AP2A2: variants seen among roughly 807,000 people sequenced by gnomAD.
The protein encoded by AP2A2 is AP-2 complex subunit alpha-2.
Under a neutral mutation model 104.2 loss-of-function variants are expected in AP2A2, and 32 were observed. The ratio of observed to expected loss-of-function variants is 0.31; its 90% CI spans 0.23 to 0.41. The LOEUF (loss-of-function observed/expected upper bound fraction) is 0.41. Ranked by LOEUF, AP2A2 falls within the 10% of genes least tolerant of loss-of-function variation. The pLI, the probability that AP2A2 is intolerant of heterozygous loss-of-function variation, is 1.00. For synonymous variants in AP2A2, 539 were observed against 533.3 expected, an observed-to-expected ratio of 1.01 and a Z score of -0.15; for missense variants, 912 against 1,261.0, an observed-to-expected ratio of 0.72 and a Z score of 4.19.
chr11:947,517 TG>T (rs888460885), intron 1 of AP2A2, among the ~76,000 whole-genome samples: 1 of 152,106 alleles, frequency 6.6e-6, no homozygotes, highest in African/African-American at 2.4e-5. Context: ...GCTAGTTGGC[TG>T]GGCGCGGTGG....
chr11:940,804 C>T (rs1278295110), intron 1 of AP2A2: 1 of 456,258 alleles, frequency 2.2e-6, no homozygotes, highest in Admixed American at 2.3e-5. Flanking sequence ...AGGGCTTTGG[C>T]AGGGGCCTTC....
chr11:963,393 T>TA (rs1376777940), intron 2 of AP2A2, among the ~76,000 whole-genome samples: 79 of 151,802 alleles, frequency 5.2e-4, no homozygotes, highest in African/African-American at 1.9e-3. Context: ...GCCAGTGCAC[T>TA]ACAGCCTGGG....
chr11:927,743 C>G (rs769309883), intron 1 of AP2A2, among the ~76,000 whole-genome samples: 1 of 136,192 alleles, frequency 7.3e-6, no homozygotes, highest in African/African-American at 2.8e-5. Flanking sequence ...CACTTGACCC[C>G]AGGAGGTTAA....
intron 6 of AP2A2, among the ~76,000 whole-genome samples, chr11:983,580 T>A (rs1855337647): frequency 6.6e-6 from 1 of 151,944 alleles, no homozygotes; most frequent in African/African-American, 2.4e-5. Context: ...AGATGGGGTT[T>A]CACTGTGTTA....
Position 984,724 on chromosome 11 carries a change from T to G in AP2A2, c.785T>G (p.Leu262Arg). 2 of 1,613,028 alleles carry G rather than the reference T, an allele frequency of 1.2e-6. No homozygotes were observed. The highest frequency in any genetic ancestry group is 1.7e-6 in the Non-Finnish European group (2 of 1,179,482). The change falls in exon 7 of 22, where the codon CTG (leucine) becomes CGG (arginine). Residue 262 changes from leucine to arginine, a missense_variant. By Grantham distance (102) the Leu-to-Arg change is moderately radical. This residue lies in a region of AP2A2 where 350 missense variants were observed against 487.0 expected (regional missense o/e 0.72). Transcript: ENST00000448903. ...GCTCCCTGGCTGTCTGTCAAACTGC[T>G]GAGACTGCTGCAGTGCTACCCACCC... ...VPAPWLSVKLLRLLQCYPPPD... is the reference protein window; with the variant it reads ...VPAPWLSVKLRRLLQCYPPPD...
At chr11:1,001,155 T>C (rs527474827) in intron 15 of AP2A2, among the ~76,000 whole-genome samples, 2 of 152,324 alleles carry the variant, frequency 1.3e-5, no homozygotes, top group South Asian at 4.1e-4. Context: ...CCTGCTCTAA[T>C]TTCTGTCCGG....
intron 15 of AP2A2, among the ~76,000 whole-genome samples, chr11:1,003,368 G>A (rs1399230777): frequency 6.6e-6 from 1 of 152,282 alleles, no homozygotes; most frequent in Non-Finnish European, 1.5e-5. Context: ...CAGCACCCGT[G>A]TTGGATGGAG....
In AP2A2 at chr11:1,009,225, C is replaced by T. The variant is rs751853886; in HGVS notation, c.2537+9C>T. Reference sequence around the variant, plus strand: ...TGGAAGCAGTTGAGCAAGTGAGAAACCTGTTTCCTGTAGGGGTCAGGGGTG... The same window carrying T: ...TGGAAGCAGTTGAGCAAGTGAGAAATCTGTTTCCTGTAGGGGTCAGGGGTG... On this transcript the variant is annotated intron_variant, in intron 19 of 21. Coordinates refer to ENST00000448903, the MANE Select transcript of AP2A2 (RefSeq NM_012305.4). The T allele has an allele frequency of 1.6e-5, 26 of 1,612,578 alleles. No homozygotes were observed. The East Asian group carries it at 4.9e-4, about 30-fold the overall frequency.
intron 1 of AP2A2, among the ~76,000 whole-genome samples, chr11:932,504 C>G (rs1318934577): frequency 6.6e-6 from 1 of 152,190 alleles, no homozygotes; most frequent in Non-Finnish European, 1.5e-5. Flanking sequence ...CTTAAATAAC[C>G]TTCACAGTTA....
intron 9 of AP2A2, among the ~76,000 whole-genome samples, chr11:987,636 C>A (rs1361862891): frequency 6.6e-6 from 1 of 150,752 alleles, no homozygotes; most frequent in African/African-American, 2.4e-5. Flanking sequence ...GCGTGGGCGA[C>A]AGAGCGAGAC....
In AP2A2 at chr11:968,630, T is replaced by C. The variant is rs887073323; in HGVS notation, c.137-1539T>C. On this transcript the variant is annotated intron_variant, in intron 2 of 21. Transcript: ENST00000448903. The surrounding 1 kb of genome is among the most constrained non-coding windows in gnomAD (Gnocchi z 4.2). ...AGGCGGCTTCCAGCGGGTGATGGAA[T>C]CTGGGCTGGGTAGGAGACACGGTGC... Among the ~76,000 whole-genome samples the C allele has an allele frequency of 6.6e-6, 1 of 152,122 alleles. No individual in the cohort carries two copies. Among genetic ancestry groups the C allele is most frequent in the Non-Finnish European group, 1.5e-5 (1 of 68,026 alleles).
At chr11:954,456 A>G (rs544974617) in intron 1 of AP2A2, among the ~76,000 whole-genome samples, 25 of 151,668 alleles carry the variant, frequency 1.6e-4, no homozygotes, top group Middle Eastern at 3.5e-3. Flanking sequence ...GTATATGTGT[A>G]TATATGTTGT....
chr11:940,769 T>A, intron 1 of AP2A2: 1 of 455,730 alleles, frequency 2.2e-6, no homozygotes, highest in South Asian at 1.6e-5. Flanking sequence ...TGTCCACCCA[T>A]GTGTACCAGT....
chr11:952,724 G>C (rs1276291557), intron 1 of AP2A2, among the ~76,000 whole-genome samples: 1 of 152,170 alleles, frequency 6.6e-6, no homozygotes, highest in African/African-American at 2.4e-5. Flanking sequence ...ATCAGACTCT[G>C]TGTGGCTGGG....
At chr11:987,509 G>A (rs914770573) in intron 9 of AP2A2, among the ~76,000 whole-genome samples, 7 of 152,036 alleles carry the variant, frequency 4.6e-5, no homozygotes, top group Non-Finnish European at 8.8e-5. Context: ...AAAATTAGCC[G>A]GGCGTGGTGG....
intron 15 of AP2A2, among the ~76,000 whole-genome samples, chr11:1,002,660 G>A (rs1856066795): frequency 6.6e-6 from 1 of 152,280 alleles, no homozygotes; most frequent in Non-Finnish European, 1.5e-5. Flanking sequence ...CTTGCCGTCT[G>A]TTGCTGCTTC....
intron 6 of AP2A2, among the ~76,000 whole-genome samples, chr11:981,578 T>G (rs897954215): frequency 1.3e-5 from 2 of 152,214 alleles, no homozygotes; most frequent in African/African-American, 4.8e-5. Flanking sequence ...GGCTGGTGCT[T>G]CGTGGACCCA....
chr11:998,686 G>C (rs1366164143), intron 14 of AP2A2, among the ~76,000 whole-genome samples: 1 of 151,990 alleles, frequency 6.6e-6, no homozygotes, highest in Non-Finnish European at 1.5e-5. Context: ...TAGCTGGGTG[G>C]GGGGTTTCTC....
In AP2A2 at chr11:972,279, C is replaced by G. The variant is rs747765935; in HGVS notation, c.473+24C>G. The G allele has an allele frequency of 5.2e-6, 8 of 1,547,170 alleles. No individual in the cohort carries two copies. In the African/African-American group the frequency reaches 1.1e-4, roughly 21 times the overall value. ...GGGTATGTGCCGGGCTCGTGCCGGG[C>G]TCCTGCTGAAGATGTGCTGCTTTCA... On this transcript the variant is annotated intron_variant, in intron 4 of 21. Coordinates refer to ENST00000448903, the MANE Select transcript of AP2A2 (RefSeq NM_012305.4).
Sources: allele counts gnomAD v4.1 joint callset (sites outside exome capture counted in the v4.1 genomes callset), GRCh38; gene constraint gnomAD v4.1.1; regional missense constraint gnomAD v4.1.1; non-coding constraint Gnocchi (gnomAD v3.1); transcripts MANE v1.5; gene names NCBI Gene and HGNC (gene_info 2026-07-23, HGNC 2026-07-21).